CHODL: variants seen among roughly 807,000 people sequenced by gnomAD.
The protein encoded by CHODL is transmembrane protein MT75.
In CHODL, 29 loss-of-function variants were observed where a neutral mutation model predicts 34.5. That is an observed-to-expected ratio of 0.84 (90% CI 0.63 to 1.15). The LOEUF is 1.15. Among genes scored for constraint, CHODL ranks in the 50% most tolerant of loss-of-function variants. CHODL has a pLI of 0.00. For synonymous variants in CHODL, 125 were observed against 116.1 expected (o/e 1.08, Z -0.49); for missense variants, 332 against 332.5 (o/e 1.00, Z 0.01).
intron 2 of CHODL, among the ~76,000 whole-genome samples, chr21:18,207,235 T>C (rs57133353): frequency 0.16 from 24,538 of 152,074 alleles, 2,468 homozygotes; most frequent in African/African-American, 0.28. Flanking sequence ...TATGGCTGCA[T>C]AGTATTTCAT....
At position 18,155,100 on chromosome 21, in the gene CHODL, C is replaced by T. The variant is rs563275802; in HGVS notation, c.-44-101409C>T. ...AATTAGCTTATAATATAGGGTTAGA[C>T]AGACATATTTATTCATCCTGTTAGT... On this transcript the variant is annotated intron_variant, in intron 2 of 6. Transcript: ENST00000400127. Among the ~76,000 whole-genome samples, 56 of 152,266 alleles carry T rather than the reference C, an allele frequency of 3.7e-4. 1 individual carries two copies. The South Asian group carries it at 0.011, about 30-fold the overall frequency.
At chr21:17,955,919 A>T (rs2063491008) in intron 1 of CHODL, among the ~76,000 whole-genome samples, 1 of 136,800 alleles carries the variant, frequency 7.3e-6, no homozygotes, top group Non-Finnish European at 1.7e-5. Flanking sequence ...AGAGCTTCAG[A>T]AATATATTAA....
At chr21:18,010,292 CG>C (rs903029323) in intron 1 of CHODL, among the ~76,000 whole-genome samples, 1 of 70,740 alleles carries the variant, frequency 1.4e-5, no homozygotes, top group African/African-American at 6.4e-5. Context: ...GCAAGACTCC[CG>C]TCTCAAAAAA....
intron 2 of CHODL, among the ~76,000 whole-genome samples, chr21:18,145,845 T>C (rs370510827): frequency 1.1e-4 from 17 of 152,248 alleles, no homozygotes; most frequent in African/African-American, 3.1e-4. Flanking sequence ...GATGCATGTA[T>C]ATACTCACAC....
chr21:18,263,565 A>T (rs2074408207), intron 5 of CHODL, among the ~76,000 whole-genome samples: 1 of 152,152 alleles, frequency 6.6e-6, no homozygotes, highest in South Asian at 2.1e-4. Flanking sequence ...AAAATGAAAC[A>T]AAATTCAATA....
chr21:18,147,731 G>A (rs925554051), intron 2 of CHODL, among the ~76,000 whole-genome samples: 1 of 152,242 alleles, frequency 6.6e-6, no homozygotes, highest in African/African-American at 2.4e-5. Flanking sequence ...TAGACAGTAT[G>A]TAAACAAATT....
Position 18,267,162 on chromosome 21 carries a change from C to A in CHODL, c.*1124C>A, listed in dbSNP as rs2074474248. ...TTAGGAAGGAAAGGAACTACGAAAT[C>A]GTGTGAAAATGGGTTGGAACCCATC... On this transcript the variant is annotated 3_prime_UTR_variant, in exon 6 of 6. Coordinates refer to ENST00000299295, the MANE Select transcript of CHODL (RefSeq NM_024944.3). The A allele has an allele frequency of 6.6e-6, 1 of 152,198 alleles. No individual in the cohort carries two copies. The highest frequency in any genetic ancestry group is 1.5e-5 in the Non-Finnish European group (1 of 68,048). The allele number at this position is 152,198 out of a possible 1,614,324, so 9.4% of individuals were successfully genotyped here.
intron 2 of CHODL, among the ~76,000 whole-genome samples, chr21:18,172,648 C>G (rs942552294): frequency 6.6e-6 from 1 of 151,958 alleles, no homozygotes; most frequent in African/African-American, 2.4e-5. Context: ...AAAGTTGATT[C>G]TGACAATTTT....
intron 2 of CHODL, among the ~76,000 whole-genome samples, chr21:18,028,698 TAAAAAAAAAA>T (rs34588468): frequency 2.3e-5 from 2 of 85,260 alleles, no homozygotes; most frequent in East Asian, 3.9e-4. Context: ...AAACTCCATC[TAAAAAAAAAA>T]AAAAAAAAAA....
chr21:18,089,600 A>G (rs531125057), intron 2 of CHODL, among the ~76,000 whole-genome samples: 4 of 152,326 alleles, frequency 2.6e-5, no homozygotes, highest in East Asian at 1.9e-4. Flanking sequence ...TTTATTTTAC[A>G]ACTTGAATTA....
intron 2 of CHODL, among the ~76,000 whole-genome samples, chr21:18,154,166 A>G (rs1051873621): frequency 6.6e-6 from 1 of 152,236 alleles, no homozygotes; most frequent in Non-Finnish European, 1.5e-5. Context: ...GGAAATATGT[A>G]TGTAAAAAGG....
At chr21:18,262,686 T>C in intron 4 of CHODL, 105 bp from the exon 5 acceptor site, 1 of 675,310 alleles carries the variant, frequency 1.5e-6, no homozygotes, top group South Asian at 1.8e-5. Context: ...GGTCAATTTA[T>C]TGAAAATTCT....
chr21:18,002,823 G>A (rs1325247678), intron 1 of CHODL, among the ~76,000 whole-genome samples: 2 of 152,120 alleles, frequency 1.3e-5, no homozygotes, highest in Non-Finnish European at 2.9e-5. Flanking sequence ...CTTCACCTGG[G>A]GACAGAGTCC....
chr21:18,260,824 A>T (rs1215692465), intron 4 of CHODL, among the ~76,000 whole-genome samples: 2 of 141,616 alleles, frequency 1.4e-5, no homozygotes, highest in African/African-American at 5.9e-5. Context: ...AAAAGCAAAC[A>T]ACAACAACAA....
intron 2 of CHODL, among the ~76,000 whole-genome samples, chr21:18,172,165 T>G (rs2146661483): frequency 6.6e-6 from 1 of 152,342 alleles, no homozygotes; most frequent in Middle Eastern, 3.4e-3. Context: ...TTATTTTTTT[T>G]TCTTTTGAGC....
At chr21:18,216,495 A>T (rs2073829667) in intron 2 of CHODL, among the ~76,000 whole-genome samples, 1 of 151,982 alleles carries the variant, frequency 6.6e-6, no homozygotes, top group Admixed American at 6.5e-5. Context: ...TAGGAGATTC[A>T]TTTTTTTAGC....
chr21:17,998,852 G>A (rs158078), intron 1 of CHODL, among the ~76,000 whole-genome samples: 1,984 of 152,306 alleles, frequency 0.013, 34 homozygotes, highest in African/African-American at 0.044. Flanking sequence ...AGGGGCTGCG[G>A]TGAAGGTCTC....
intron 2 of CHODL, among the ~76,000 whole-genome samples, chr21:18,214,087 A>C (rs2073800082): frequency 6.6e-6 from 1 of 152,058 alleles, no homozygotes; most frequent in Non-Finnish European, 1.5e-5. Flanking sequence ...GACTCTAATA[A>C]ATTTGCAATG....
intron 2 of CHODL, among the ~76,000 whole-genome samples, chr21:18,208,991 G>A (rs576355137): frequency 6.6e-6 from 1 of 151,686 alleles, no homozygotes; most frequent in Non-Finnish European, 1.5e-5. Context: ...AGTACTGGCT[G>A]TCACCTGAGG....
Sources: gnomAD v4.1 joint callset for allele counts (sites outside exome capture counted in the v4.1 genomes callset) on GRCh38, gnomAD v4.1.1 for gene constraint, MANE v1.5 for transcripts, NCBI Gene and HGNC (gene_info 2026-07-23, HGNC 2026-07-21) for gene names.